Variants in XRCC4 observed in about 807,000 individuals in gnomAD.
XRCC4 encodes X-ray repair cross complementing 4.
A neutral mutation model predicts 39.1 loss-of-function variants in XRCC4; 28 were observed. The observed-to-expected ratio is 0.72, with a 90% CI of 0.53 to 0.98. The LOEUF (loss-of-function observed/expected upper bound fraction) is 0.98. Ranked by LOEUF, XRCC4 falls within the 50% of genes least tolerant of loss-of-function variation. The pLI is 0.00. For missense variants in XRCC4, 350 were observed against 376.4 expected (o/e 0.93, Z 0.58); for synonymous variants, 123 against 126.4 (o/e 0.97, Z 0.18).
chr5:83,138,562 A>G (rs1479995862), intron 3 of XRCC4, among the ~76,000 whole-genome samples: 3 of 141,890 alleles, frequency 2.1e-5, no homozygotes, highest in African/African-American at 5.5e-5. Flanking sequence ...GTATATTAGC[A>G]AAACCTAGCA....
intron 6 of XRCC4, among the ~76,000 whole-genome samples, chr5:83,227,458 A>G (rs1752333863): frequency 1.3e-5 from 2 of 152,114 alleles, no homozygotes; most frequent in Non-Finnish European, 2.9e-5. Context: ...TGTTGTAGTT[A>G]TATACTAAAC....
chr5:83,120,716 A>G (rs1259371066), intron 3 of XRCC4, among the ~76,000 whole-genome samples: 1 of 152,234 alleles, frequency 6.6e-6, no homozygotes, highest in East Asian at 1.9e-4. Context: ...GTGGGCTGAC[A>G]TGAATAAAGC....
At chr5:83,356,179 C>T (rs184416582), downstream of XRCC4, among the ~76,000 whole-genome samples, 3 of 152,188 alleles carry the variant, frequency 2.0e-5, no homozygotes, top group East Asian at 5.8e-4. Context: ...TAATACTGAA[C>T]TTAGCACTAT....
At chr5:83,135,003 A>T (rs2112496456) in intron 3 of XRCC4, among the ~76,000 whole-genome samples, 1 of 152,282 alleles carries the variant, frequency 6.6e-6, no homozygotes. Flanking sequence ...CAAACTCTGG[A>T]CACACCATCT....
chr5:83,237,702 T>C (rs1264148995), intron 6 of XRCC4, among the ~76,000 whole-genome samples: 1 of 152,112 alleles, frequency 6.6e-6, no homozygotes, highest in Non-Finnish European at 1.5e-5. Flanking sequence ...ATGTACTGTA[T>C]ATTTCAAAAT....
At chr5:83,162,740 G>A (rs908935759) in intron 3 of XRCC4, among the ~76,000 whole-genome samples, 2 of 152,120 alleles carry the variant, frequency 1.3e-5, no homozygotes, top group African/African-American at 2.4e-5. Context: ...ACAGATGGCA[G>A]TTCACGCCTA....
chr5:83,295,248 G>A lies in XRCC4; in HGVS notation c.893+36571G>A, dbSNP rs527865740. On this transcript the variant is annotated intron_variant, in intron 7 of 7. Coordinates refer to ENST00000396027, the MANE Select transcript of XRCC4 (RefSeq NM_003401.5). ...TTAACTGAACATCACTACCAGTATGGAACATGTTTTCTGAAACACTGTCCT... is the reference window on the plus strand; with the variant it reads ...TTAACTGAACATCACTACCAGTATGAAACATGTTTTCTGAAACACTGTCCT... 1.6e-3 allele frequency among the ~76,000 whole-genome samples: 245 copies of A among 151,914 alleles called. 4 individuals are homozygous for A. The highest frequency in any genetic ancestry group is 0.013 in the South Asian group (61 of 4,804).
At chr5:83,150,621 A>G (rs966811611) in intron 3 of XRCC4, among the ~76,000 whole-genome samples, 2 of 152,170 alleles carry the variant, frequency 1.3e-5, no homozygotes, top group Non-Finnish European at 2.9e-5. Context: ...CAACATAAAT[A>G]TACACACATG....
At chr5:83,216,146 T>G (rs182218392) in intron 6 of XRCC4, among the ~76,000 whole-genome samples, 130 of 152,208 alleles carry the variant, frequency 8.5e-4, no homozygotes, top group African/African-American at 3.0e-3. Context: ...GTCAAAAAAT[T>G]TGCAAAAGAC....
chr5:83,257,135 C>A (rs1753572593), intron 6 of XRCC4, among the ~76,000 whole-genome samples: 1 of 152,070 alleles, frequency 6.6e-6, no homozygotes, highest in Non-Finnish European at 1.5e-5. Context: ...AACATGCAAG[C>A]TTTTCTGCCA....
intron 1 of XRCC4, among the ~76,000 whole-genome samples, chr5:83,102,158 T>G (rs148062044): frequency 1.9e-4 from 29 of 152,246 alleles, no homozygotes; most frequent in African/African-American, 7.0e-4. Flanking sequence ...TGTCTATTTT[T>G]TAATTGTTTA....
chr5:83,150,246 A>G (rs549011169), intron 3 of XRCC4, among the ~76,000 whole-genome samples: 17 of 152,294 alleles, frequency 1.1e-4, no homozygotes, highest in African/African-American at 3.8e-4. Flanking sequence ...ATTTTTGAGA[A>G]TATAAGAAAT....
At chr5:83,110,980 G>T (rs764596748) in intron 2 of XRCC4, 48 bp from the exon 3 acceptor site, 12 of 1,525,510 alleles carry the variant, frequency 7.9e-6, no homozygotes, top group Admixed American at 6.4e-5. Flanking sequence ...TTTCTCATGT[G>T]TAGTCATTTA....
intron 6 of XRCC4, among the ~76,000 whole-genome samples, chr5:83,210,402 C>T (rs1018570812): frequency 2.0e-5 from 3 of 152,074 alleles, no homozygotes; most frequent in African/African-American, 4.8e-5. Flanking sequence ...CTAGGAATAA[C>T]GTTATATGCT....
chr5:83,341,849 T>C (rs2112203164), intron 7 of XRCC4, among the ~76,000 whole-genome samples: 1 of 152,290 alleles, frequency 6.6e-6, no homozygotes, highest in Admixed American at 6.5e-5. Flanking sequence ...TATTTGTTAT[T>C]TGGTTAATAC....
chr5:83,290,017 T>C (rs911159261), intron 7 of XRCC4, among the ~76,000 whole-genome samples: 1 of 151,802 alleles, frequency 6.6e-6, no homozygotes, highest in Admixed American at 6.6e-5. Context: ...ACATTAAGTC[T>C]CCAGCAGTTC....
intron 6 of XRCC4, among the ~76,000 whole-genome samples, chr5:83,256,273 T>A (rs752276742): frequency 6.6e-6 from 1 of 152,182 alleles, no homozygotes; most frequent in Non-Finnish European, 1.5e-5. Flanking sequence ...TTTAGTAACA[T>A]TGTATTTTAA....
In XRCC4 at chr5:83,203,719, A is replaced by G. The variant is rs763122507; in HGVS notation, c.638+12A>G. 91 of 1,607,324 alleles carry G rather than the reference A, an allele frequency of 5.7e-5. No homozygotes were observed. The highest frequency in any genetic ancestry group is 7.2e-5 in the Non-Finnish European group (85 of 1,177,488). The stretch of plus-strand genomic sequence containing the variant: ...ATCAAACAAGAAGGGTATTTTCGCT[A>G]TCTTGTTTTTGGATGACAGATGAAT... On this transcript the variant is annotated intron_variant, in intron 5 of 7. Transcript: ENST00000396027.
intron 3 of XRCC4, among the ~76,000 whole-genome samples, chr5:83,146,650 A>G (rs964223123): frequency 6.6e-6 from 1 of 152,228 alleles, no homozygotes; most frequent in Admixed American, 6.5e-5. Flanking sequence ...CACCAAGCAT[A>G]GTGCCTGGCA....
Sources: gnomAD v4.1 joint callset for allele counts (sites outside exome capture counted in the v4.1 genomes callset) on GRCh38, gnomAD v4.1.1 for gene constraint, MANE v1.5 for transcripts, NCBI Gene and HGNC (gene_info 2026-07-23, HGNC 2026-07-21) for gene names.